The following AGRN variants were observed in gnomAD, a reference collection of about 807,000 sequenced individuals.
The protein encoded by AGRN is agrin.
Under a neutral mutation model 211.0 loss-of-function variants are expected in AGRN, and 106 were observed. The observed-to-expected ratio is 0.50, with a 90% CI of 0.43 to 0.59. AGRN has a LOEUF of 0.59. Ranked by LOEUF, AGRN falls within the 20% of genes least tolerant of loss-of-function variation. The probability of loss-of-function intolerance (pLI) is 0.00; values close to 1 mark genes in which losing one functional copy is unlikely to be tolerated. For missense variants in AGRN, 3,040 were observed against 2,982.6 expected (o/e 1.02, Z -0.45); for synonymous variants, 1,525 against 1,332.5 (o/e 1.14, Z -3.15).
rs771187666 is a variant in AGRN, at chr1:1,050,089, G to C, written c.4879+52G>C. Reference sequence around the variant, plus strand: ...GGGGGGGGGGGGGGGTTGAACGTTTGGGCGGGTACAGGTTCCAGGTAGCAT... The same window carrying C: ...GGGGGGGGGGGGGGGTTGAACGTTTCGGCGGGTACAGGTTCCAGGTAGCAT... On this transcript the variant is annotated intron_variant, in intron 27 of 35. Coordinates refer to ENST00000379370, the MANE Select transcript of AGRN (RefSeq NM_198576.4). 105 of 1,553,684 alleles carry C rather than the reference G, an allele frequency of 6.8e-5. 1 individual carries two copies. The highest frequency in any genetic ancestry group is 3.8e-5 in the Admixed American group (2 of 53,056).
intron 2 of AGRN, among the ~76,000 whole-genome samples, chr1:1,022,845 G>A (rs1442414217): frequency 6.6e-6 from 1 of 152,268 alleles, no homozygotes; most frequent in Non-Finnish European, 1.5e-5. Flanking sequence ...ACGGGCCCGC[G>A]TGTCGAGCAC....
chr1:1,039,171 A>G (rs1394750628), intron 3 of AGRN, among the ~76,000 whole-genome samples: 3 of 152,176 alleles, frequency 2.0e-5, no homozygotes, highest in Admixed American at 6.5e-5. Flanking sequence ...GCCTGGCTGT[A>G]AGACCTGAGG....
chr1:1,052,680 G>A (rs1056591979), intron 33 of AGRN: 1 of 161,002 alleles, frequency 6.2e-6, no homozygotes, highest in African/African-American at 2.7e-5. Flanking sequence ...TGTGTGTATA[G>A]TGTGTACACA....
At position 1,055,481 on chromosome 1, in the gene AGRN, G is replaced by C. The variant is rs374884633; in HGVS notation, c.*500G>C. ...TGACTTCCAAACAATGTTACTGCTG[G>C]GCACAGCTCTGCGTTGCTCCCGTGC... is the stretch of plus-strand genomic sequence containing the variant. On this transcript the variant is annotated 3_prime_UTR_variant, in exon 36 of 36. Transcript: ENST00000379370. 3.6e-6 allele frequency: 1 copy of C among 273,990 alleles called. No homozygotes were observed. The highest frequency in any genetic ancestry group is 7.2e-6 in the Non-Finnish European group (1 of 139,480). The allele number at this position is 273,990 out of a possible 1,614,324, so 17.0% of individuals were successfully genotyped here.
At chr1:1,020,851 G>GGA (rs1029376668) in intron 1 of AGRN, among the ~76,000 whole-genome samples, 1 of 149,708 alleles carries the variant, frequency 6.7e-6, no homozygotes, top group Non-Finnish European at 1.5e-5. Flanking sequence ...GTGGTGCGGG[G>GGA]GGGGGGCGTG....
Position 1,020,177 on chromosome 1 carries a change from C to A in AGRN, c.5C>A (p.Ala2Asp), listed in dbSNP as rs776698665. Residue 2 changes from alanine (A) to aspartate (D), a missense_variant, in exon 1 of 36, where the codon GCC becomes GAC. Physicochemically the swap from Ala to Asp is moderately radical, Grantham distance 126. Around this residue, in one of 3 missense-constraint regions of AGRN, gnomAD observed 1,498 missense variants for 1,457.8 expected, o/e 1.03. Coordinates refer to ENST00000379370, the MANE Select transcript of AGRN (RefSeq NM_198576.4). Reference sequence around the variant, plus strand: ...CCGCCGCCTCTCGCCTGCGCCATGGCCGGCCGGTCCCACCCGGGCCCGCTG... The same window carrying A: ...CCGCCGCCTCTCGCCTGCGCCATGGACGGCCGGTCCCACCCGGGCCCGCTG... M[A>D]GRSHPGPLRP... is the part of the protein sequence containing the mutation. 1.6e-4 allele frequency: 210 copies of A among 1,334,040 alleles called. No individual in the cohort carries two copies. The African/African-American group carries it at 2.5e-3, about 16-fold the overall frequency. The allele number at this position is 1,334,040 out of a possible 1,614,324, so 82.6% of individuals were successfully genotyped here. A position where few individuals can be genotyped will look rare whatever the true frequency, so the allele number is the denominator to read the frequency against.
Position 1,041,309 on chromosome 1 carries a change from C to T in AGRN, c.864C>T (p.Asp288=), listed in dbSNP as rs1401768737. The change falls in exon 5 of 36, where the codon GAC becomes GAT. Residue 288 remains aspartate, a synonymous_variant. Transcript: ENST00000379370. ...CCGAGGGGACCGTCTGCGGCAGCGA[C>T]GGCGCCGACTACCCCGGCGAGTGCC... The part of the protein sequence containing the change: ...GAPEGTVCGS[D]GADYPGECQL... 78 of 1,520,014 alleles carry T rather than the reference C, an allele frequency of 5.1e-5. No individual in the cohort carries two copies. Among genetic ancestry groups the T allele is most frequent in the Non-Finnish European group, 6.6e-5 (75 of 1,140,140 alleles). The allele number at this position is 1,520,014 out of a possible 1,614,324, so 94.2% of individuals were successfully genotyped here. A position where few individuals can be genotyped will look rare whatever the true frequency, so the allele number is the denominator to read the frequency against.
intron 3 of AGRN, among the ~76,000 whole-genome samples, chr1:1,038,072 G>A (rs568977916): frequency 1.3e-5 from 2 of 152,180 alleles, no homozygotes; most frequent in South Asian, 2.1e-4. Flanking sequence ...AGGGGCAGAT[G>A]TGTTTCCAGC....
intron 2 of AGRN, among the ~76,000 whole-genome samples, chr1:1,023,163 G>A (rs1370292794): frequency 1.3e-5 from 2 of 152,186 alleles, no homozygotes; most frequent in South Asian, 4.1e-4. Flanking sequence ...GGGATGTGTC[G>A]GTGGGGGGGT....
At chr1:1,024,705 C>T (rs1644480747) in intron 2 of AGRN, among the ~76,000 whole-genome samples, 1 of 152,144 alleles carries the variant, frequency 6.6e-6, no homozygotes, top group Non-Finnish European at 1.5e-5. Context: ...TCCTCAGTTT[C>T]TCACCTGGCC....
rs750940251 is a variant in AGRN at position 1,041,529 on chromosome 1, C to T, written c.1004C>T (p.Pro335Leu). The T allele has an allele frequency of 5.6e-6, 9 of 1,603,906 alleles. No homozygotes were observed. The highest frequency in any genetic ancestry group is 7.6e-6 in the Non-Finnish European group (9 of 1,178,946). ...CCGAGCCGCAGCTGCCGTGTGAACC[C>T]GCGCACGCGGCGCCCTGAGATGCTC... The part of the protein sequence containing the change: ...PDPSRSCRVN[P>L]RTRRPEMLLR... The change falls in exon 6 of 36, where the codon CCG becomes CTG. Residue 335 changes from proline to leucine, a missense_variant. Coordinates refer to ENST00000379370, the MANE Select transcript of AGRN (RefSeq NM_198576.4).
intron 2 of AGRN, among the ~76,000 whole-genome samples, chr1:1,023,068 C>T (rs1232709951): frequency 6.6e-6 from 1 of 152,178 alleles, no homozygotes; most frequent in African/African-American, 2.4e-5. Flanking sequence ...GGACTGAGAT[C>T]GTTGGCTGGG....
In AGRN at chr1:1,022,139, C is replaced by T. The variant is rs896316538; in HGVS notation, c.202-62C>T. The T allele has an allele frequency of 5.0e-6, 8 of 1,601,706 alleles. No individual in the cohort carries two copies. The African/African-American group carries it at 9.4e-5, about 19-fold the overall frequency. On this transcript the variant is annotated intron_variant, in intron 1 of 35. Transcript: ENST00000379370. Reference sequence around the variant, plus strand: ...GGACATTTGCCCTAAACACCTAAAGCCCCCAGTCTAGCCCCTTCCCCAGGA... The same window carrying T: ...GGACATTTGCCCTAAACACCTAAAGTCCCCAGTCTAGCCCCTTCCCCAGGA...
chr1:1,025,343 C>T (rs1644497414), intron 2 of AGRN, among the ~76,000 whole-genome samples: 1 of 152,192 alleles, frequency 6.6e-6, no homozygotes. Context: ...GCTGCCTAGG[C>T]CTCAGGACGG....
intron 30 of AGRN, 57 bp from the exon 31 acceptor site, chr1:1,051,196 C>T: frequency 1.9e-6 from 3 of 1,547,388 alleles, no homozygotes; most frequent in Non-Finnish European, 2.6e-6. Context: ...GGTGCCTGGG[C>T]CCTGGGTCTG....
intron 33 of AGRN, chr1:1,052,584 G>C (rs1452523497): frequency 9.8e-6 from 2 of 203,926 alleles, no homozygotes; most frequent in Admixed American, 5.4e-5. Flanking sequence ...GTGTGTGTCT[G>C]AGTGTGTGCG....
chr1:1,028,157 GC>G (rs1216494767), intron 2 of AGRN, among the ~76,000 whole-genome samples: 1 of 152,192 alleles, frequency 6.6e-6, no homozygotes, highest in Non-Finnish European at 1.5e-5. Context: ...AGGGGTGAAA[GC>G]CCGTGCAGAG....
At chr1:1,050,918 T>A (rs963877897) in intron 30 of AGRN, 81 bp downstream of exon 30, 2 of 1,531,694 alleles carry the variant, frequency 1.3e-6, no homozygotes, top group Non-Finnish European at 1.8e-6. Context: ...CTGCCGGCGC[T>A]CACGGAGCTG....
intron 2 of AGRN, among the ~76,000 whole-genome samples, chr1:1,029,645 G>GTC (rs70949544): frequency 1.6e-5 from 2 of 127,184 alleles, no homozygotes; most frequent in Non-Finnish European, 3.4e-5. Context: ...GTGTGTGTGT[G>GTC]CAGTGCATGG....
Sources: gnomAD v4.1 joint callset for allele counts (sites outside exome capture counted in the v4.1 genomes callset) on GRCh38, gnomAD v4.1.1 for gene constraint, gnomAD v4.1.1 regional missense constraint, MANE v1.5 for transcripts, NCBI Gene and HGNC (gene_info 2026-07-23, HGNC 2026-07-21) for gene names.